Variants in LRRTM4 observed in about 807,000 individuals in gnomAD.
LRRTM4 encodes leucine rich repeat transmembrane neuronal 4, also known as leucine-rich repeat transmembrane neuronal protein 4.
A neutral mutation model predicts 47.6 loss-of-function variants in LRRTM4; 25 were observed. The ratio of observed to expected loss-of-function variants is 0.53; its 90% CI spans 0.38 to 0.73. The LOEUF is 0.73. LRRTM4 is among the 30% of genes least tolerant of loss of function. The pLI is 0.00. For missense variants in LRRTM4, 638 were observed against 713.4 expected (o/e 0.89, Z 1.20); for synonymous variants, 311 against 269.5 (o/e 1.15, Z -1.51).
chr2:77,246,314 A>G (rs1042378119), intron 3 of LRRTM4, among the ~76,000 whole-genome samples: 2 of 152,196 alleles, frequency 1.3e-5, no homozygotes, highest in African/African-American at 4.8e-5. Context: ...CAGTGTGATC[A>G]GCATGATGAA....
intron 3 of LRRTM4, among the ~76,000 whole-genome samples, chr2:76,979,728 G>GCATA (rs993907203): frequency 1.9e-5 from 2 of 103,652 alleles, no homozygotes; most frequent in Admixed American, 1.8e-4. Flanking sequence ...ATAGATAGAT[G>GCATA]CATACATACA....
At chr2:76,885,589 A>T (rs1367886485) in intron 3 of LRRTM4, among the ~76,000 whole-genome samples, 1 of 151,124 alleles carries the variant, frequency 6.6e-6, no homozygotes, top group East Asian at 2.0e-4. Context: ...CAGCCTCCTG[A>T]GTAGCTGGGA....
intron 3 of LRRTM4, among the ~76,000 whole-genome samples, chr2:76,859,435 A>G (rs1672248208): frequency 6.6e-6 from 1 of 152,140 alleles, no homozygotes; most frequent in African/African-American, 2.4e-5. Flanking sequence ...ATTGTTATTT[A>G]TGTTAATAGT....
At chr2:77,417,610 G>T (rs922936439) in intron 3 of LRRTM4, among the ~76,000 whole-genome samples, 1 of 152,058 alleles carries the variant, frequency 6.6e-6, no homozygotes, top group African/African-American at 2.4e-5. Flanking sequence ...GATGAAGCTG[G>T]TAGGGACATG....
At chr2:76,940,529 G>A (rs1675101393) in intron 3 of LRRTM4, among the ~76,000 whole-genome samples, 1 of 152,072 alleles carries the variant, frequency 6.6e-6, no homozygotes, top group South Asian at 2.1e-4. Context: ...GAAAAATAAC[G>A]AATGGGTACT....
intron 3 of LRRTM4, among the ~76,000 whole-genome samples, chr2:77,061,782 T>G (rs1249017855): frequency 6.6e-6 from 1 of 152,194 alleles, no homozygotes; most frequent in African/African-American, 2.4e-5. Context: ...TGAACAATCA[T>G]GAGTTAATTG....
At chr2:77,020,869 T>C (rs1332608993) in intron 3 of LRRTM4, among the ~76,000 whole-genome samples, 1 of 152,146 alleles carries the variant, frequency 6.6e-6, no homozygotes, top group African/African-American at 2.4e-5. Context: ...GTCCATGGAT[T>C]GGGGAGTACT....
chr2:77,243,982 CATT>C (rs2103996622), intron 3 of LRRTM4, among the ~76,000 whole-genome samples: 1 of 129,524 alleles, frequency 7.7e-6, no homozygotes, highest in East Asian at 2.1e-4. Flanking sequence ...CATGTGATCT[CATT>C]GTTCAATTCC....
At chr2:77,378,944 T>C (rs1346003851) in intron 3 of LRRTM4, among the ~76,000 whole-genome samples, 1 of 152,198 alleles carries the variant, frequency 6.6e-6, no homozygotes, top group African/African-American at 2.4e-5. Context: ...TTTGTCATTA[T>C]GCATAAATGA....
intron 3 of LRRTM4, among the ~76,000 whole-genome samples, chr2:76,868,363 A>G (rs755647991): frequency 5.3e-5 from 8 of 152,184 alleles, no homozygotes; most frequent in Non-Finnish European, 1.0e-4. Context: ...CTCTCTGCGG[A>G]CATAAGTTAC....
chr2:76,906,014 C>A (rs184133779), intron 3 of LRRTM4, among the ~76,000 whole-genome samples: 2 of 151,870 alleles, frequency 1.3e-5, no homozygotes, highest in Non-Finnish European at 2.9e-5. Context: ...AGATACTCCT[C>A]GAGAAGAGCA....
At chr2:77,245,412 CAAAAAT>C (rs1675413603) in intron 3 of LRRTM4, among the ~76,000 whole-genome samples, 1 of 147,124 alleles carries the variant, frequency 6.8e-6, no homozygotes, top group African/African-American at 2.5e-5. Context: ...CAAAACAAAA[CAAAAAT>C]GAGACAGGAG....
chr2:76,782,847 G>T (rs971112293), intron 3 of LRRTM4, among the ~76,000 whole-genome samples: 4 of 152,100 alleles, frequency 2.6e-5, no homozygotes, highest in Non-Finnish European at 5.9e-5. Context: ...TTTTAAATTA[G>T]TTACGTATTT....
At chr2:76,770,649 A>G (rs1673656748) in intron 3 of LRRTM4, among the ~76,000 whole-genome samples, 1 of 152,174 alleles carries the variant, frequency 6.6e-6, no homozygotes, top group South Asian at 2.1e-4. Context: ...CTACCTGTAA[A>G]ATACATTGAG....
chr2:76,903,435 C>G (rs1422746460), intron 3 of LRRTM4, among the ~76,000 whole-genome samples: 1 of 151,992 alleles, frequency 6.6e-6, no homozygotes, highest in Admixed American at 6.6e-5. Flanking sequence ...ACTCGGGAGG[C>G]TGAGGCAGGA....
chr2:77,336,637 G>T (rs1402412417), intron 3 of LRRTM4, among the ~76,000 whole-genome samples: 1 of 152,134 alleles, frequency 6.6e-6, no homozygotes, highest in Non-Finnish European at 1.5e-5. Flanking sequence ...TCAGTAGATG[G>T]AGAAAAAGCA....
chr2:77,126,937 G>A (rs1671666009), intron 3 of LRRTM4, among the ~76,000 whole-genome samples: 1 of 152,110 alleles, frequency 6.6e-6, no homozygotes, highest in Admixed American at 6.5e-5. Context: ...ATTATGCAAA[G>A]CCAAGGATTT....
At chr2:77,143,978 G>A (rs2103768384) in intron 3 of LRRTM4, among the ~76,000 whole-genome samples, 1 of 152,228 alleles carries the variant, frequency 6.6e-6, no homozygotes. Flanking sequence ...CAGATTGAGA[G>A]ACAGAGATTA....
chr2:77,279,042 G>A (rs908119273), intron 3 of LRRTM4, among the ~76,000 whole-genome samples: 1 of 151,996 alleles, frequency 6.6e-6, no homozygotes, highest in Non-Finnish European at 1.5e-5. Flanking sequence ...CTAGCTACAA[G>A]GGCCAAAGTT....
Sources: allele counts gnomAD v4.1 joint callset (sites outside exome capture counted in the v4.1 genomes callset), GRCh38; gene constraint gnomAD v4.1.1; transcripts MANE v1.5; gene names NCBI Gene and HGNC (gene_info 2026-07-23, HGNC 2026-07-21).